PECR: variants seen among roughly 807,000 people sequenced by gnomAD.
PECR encodes the protein peroxisomal trans-2-enoyl-CoA reductase, also known as 2,4-dienoyl-CoA reductase-related protein.
PECR carries 30 observed loss-of-function variants against 35.3 expected under a neutral mutation model. That is an observed-to-expected ratio of 0.85 (90% CI 0.64 to 1.15). The LOEUF (loss-of-function observed/expected upper bound fraction) is 1.15, where lower values mean the gene tolerates loss of function less well. Among genes scored for constraint, PECR ranks in the 50% most tolerant of loss-of-function variants. The probability of loss-of-function intolerance (pLI) is 0.00; values close to 1 mark genes in which losing one functional copy is unlikely to be tolerated. For synonymous variants in PECR, 148 were observed against 138.9 expected, an observed-to-expected ratio of 1.07 and a Z score of -0.46; for missense variants, 392 against 370.8, an observed-to-expected ratio of 1.06 and a Z score of -0.47.
In PECR at chr2:216,057,267, AG is replaced by A. The variant is rs542583895; in HGVS notation, c.506+1627del. 5.2e-4 allele frequency among the ~76,000 whole-genome samples: 79 copies of A among 152,312 alleles called. 1 individual carries two copies. In the South Asian group the frequency reaches 0.014, roughly 28 times the overall value. On this transcript the variant is annotated intron_variant, in intron 4 of 7. Coordinates refer to ENST00000265322, the MANE Select transcript of PECR (RefSeq NM_018441.6). ...TTAGTTTGGTTTTGGTAATAACAAAAGGTTGGAAACAACCCAAATGCTCACC... is the reference window on the plus strand; with the variant it reads ...TTAGTTTGGTTTTGGTAATAACAAAAGTTGGAAACAACCCAAATGCTCACC...
chr2:216,074,220 G>A (rs550174261), intron 1 of PECR, among the ~76,000 whole-genome samples: 1 of 152,300 alleles, frequency 6.6e-6, no homozygotes, highest in South Asian at 2.1e-4. Context: ...CAAGGCCGGT[G>A]GATCGCTTGT....
chr2:216,034,542 C>G (rs1482109617), downstream of PECR, among the ~76,000 whole-genome samples: 1 of 152,184 alleles, frequency 6.6e-6, no homozygotes, highest in African/African-American at 2.4e-5. Flanking sequence ...CCTTCCTCCT[C>G]TCTCTCCTTC....
chr2:216,081,725 T>C lies in PECR; in HGVS notation c.17A>G (p.Lys6Arg), dbSNP rs1418019720. The C allele has an allele frequency of 6.2e-7, 1 of 1,613,364 alleles. No individual in the cohort carries two copies. The highest frequency in any genetic ancestry group is 1.7e-4 in the Middle Eastern group (1 of 6,054). Residue 6 changes from lysine to arginine, a missense_variant, in exon 1 of 8, where the codon AAG becomes AGG. Transcript: ENST00000265322. MASWAKGRSYLAPGLL... is the reference protein window; with the variant it reads MASWARGRSYLAPGLL... ...ACCAGGCGCCAGGTAGCTCCTGCCC[T>C]TAGCCCAGGAGGCCATCCCTGCAGC...
At chr2:216,071,277 A>G (rs1055514663) in intron 1 of PECR, among the ~76,000 whole-genome samples, 4 of 152,228 alleles carry the variant, frequency 2.6e-5, no homozygotes, top group Non-Finnish European at 4.4e-5. Context: ...GCCAGGAGGC[A>G]TGCCGTTGCC....
intron 1 of PECR, among the ~76,000 whole-genome samples, chr2:216,067,612 A>C (rs1388904310): frequency 2.0e-5 from 3 of 150,088 alleles, no homozygotes; most frequent in Non-Finnish European, 3.0e-5. Flanking sequence ...ACTGGGGTGC[A>C]GTGGCATGAT....
At chr2:216,067,163 T>A (rs1695482882) in intron 1 of PECR, among the ~76,000 whole-genome samples, 1 of 152,048 alleles carries the variant, frequency 6.6e-6, no homozygotes, top group Non-Finnish European at 1.5e-5. Context: ...GTTGGGAGTC[T>A]AGGGAGCCAA....
intron 1 of PECR, among the ~76,000 whole-genome samples, chr2:216,075,397 C>T (rs140824092): frequency 6.6e-6 from 1 of 152,078 alleles, no homozygotes; most frequent in Non-Finnish European, 1.5e-5. Context: ...TACATGTGCA[C>T]ATTAAATTTG....
In PECR at chr2:216,077,047, G is replaced by A. The variant is rs372866191; in HGVS notation, c.124+4571C>T. On this transcript the variant is annotated intron_variant, in intron 1 of 7. Transcript: ENST00000265322. ...TCCGAGTAATTGGGATTACACGCACGCACCACCTCGCCTGGCTAATTTTGT... is the reference window on the plus strand; with the variant it reads ...TCCGAGTAATTGGGATTACACGCACACACCACCTCGCCTGGCTAATTTTGT... 2.6e-4 allele frequency among the ~76,000 whole-genome samples: 39 copies of A among 151,200 alleles called. No homozygotes were observed. The East Asian group carries it at 5.7e-3, about 22-fold the overall frequency.
chr2:216,034,088 C>T (rs1574669160), downstream of PECR: 1 of 152,144 alleles, frequency 6.6e-6, no homozygotes, highest in African/African-American at 2.4e-5. Flanking sequence ...AACTAAAGCT[C>T]AAGTTGAAGC....
intron 3 of PECR, among the ~76,000 whole-genome samples, chr2:216,061,311 C>CAAAAAAAAAAAAAAAAA (rs56791924): frequency 2.2e-5 from 1 of 44,932 alleles, no homozygotes; most frequent in Non-Finnish European, 3.7e-5. Context: ...AACCCTGTCT[C>CAAAAAAAAAAAAAAAAA]AAAAAAAAAA....
At chr2:216,047,305 C>T (rs1163327518) in intron 6 of PECR, among the ~76,000 whole-genome samples, 1 of 150,926 alleles carries the variant, frequency 6.6e-6, no homozygotes, top group Non-Finnish European at 1.5e-5. Context: ...TTAATGCATG[C>T]AAAGTACATT....
At chr2:216,030,960 A>T (rs866451307) in intron 7 of PECR, among the ~76,000 whole-genome samples, 77 of 117,268 alleles carry the variant, frequency 6.6e-4, no homozygotes, top group African/African-American at 2.1e-3. Context: ...TCTCTCTCAC[A>T]CACACACACA....
intron 1 of PECR, among the ~76,000 whole-genome samples, chr2:216,080,295 C>G (rs1223747761): frequency 6.6e-6 from 1 of 152,134 alleles, no homozygotes; most frequent in Non-Finnish European, 1.5e-5. Flanking sequence ...AGGCTGGTCT[C>G]AAACTCCTGA....
At chr2:216,055,462 AAAAC>A (rs1361743244) in intron 4 of PECR, among the ~76,000 whole-genome samples, 57 of 149,766 alleles carry the variant, frequency 3.8e-4, no homozygotes, top group Middle Eastern at 6.8e-3. Context: ...AAAAAACAAA[AAAAC>A]AAACAAACAA....
At chr2:216,067,611 C>T (rs1377487414) in intron 1 of PECR, among the ~76,000 whole-genome samples, 2 of 150,696 alleles carry the variant, frequency 1.3e-5, no homozygotes, top group Non-Finnish European at 3.0e-5. Context: ...GACTGGGGTG[C>T]AGTGGCATGA....
At chr2:216,061,993 TAGAGAGGGAGAG>T (rs1290670919) in intron 3 of PECR, among the ~76,000 whole-genome samples, 3 of 151,528 alleles carry the variant, frequency 2.0e-5, no homozygotes, top group Non-Finnish European at 4.4e-5. Flanking sequence ...TGCATGATTG[TAGAGAGGGAGAG>T]AGAGAGAAAG....
intron 4 of PECR, among the ~76,000 whole-genome samples, chr2:216,056,043 T>C (rs1695219112): frequency 1.3e-5 from 2 of 152,138 alleles, no homozygotes; most frequent in Non-Finnish European, 2.9e-5. Context: ...CACTTGCAAA[T>C]ACCTTTACTG....
chr2:216,056,581 C>T (rs549295907), intron 4 of PECR, among the ~76,000 whole-genome samples: 7 of 151,736 alleles, frequency 4.6e-5, no homozygotes, highest in African/African-American at 1.2e-4. Flanking sequence ...AACTACTGGA[C>T]GTGGTGGTGG....
intron 7 of PECR, among the ~76,000 whole-genome samples, chr2:216,042,964 C>CACATACATATATGTGTATATATATATAT (rs1559207662): frequency 1.1e-4 from 10 of 93,994 alleles, no homozygotes; most frequent in Non-Finnish European, 1.7e-4. Context: ...TATATATATA[C>CACATACATATATGTGTATATATATATAT]ACATACGTAT....
Sources: gnomAD v4.1 joint callset for allele counts (sites outside exome capture counted in the v4.1 genomes callset) on GRCh38, gnomAD v4.1.1 for gene constraint, MANE v1.5 for transcripts, NCBI Gene and HGNC (gene_info 2026-07-23, HGNC 2026-07-21) for gene names.